GPHN: variants seen among roughly 807,000 people sequenced by gnomAD.
GPHN encodes the protein gephyrin.
GPHN carries 17 observed loss-of-function variants against 95.5 expected under a neutral mutation model. That is an observed-to-expected ratio of 0.18 (90% CI 0.12 to 0.27). The LOEUF is 0.27. Ranked by LOEUF, GPHN falls within the 10% of genes least tolerant of loss-of-function variation. The pLI is 1.00. For missense variants in GPHN, 660 were observed against 978.1 expected, an observed-to-expected ratio of 0.67 and a Z score of 4.34; for synonymous variants, 320 against 322.5, an observed-to-expected ratio of 0.99 and a Z score of 0.08.
chr14:67,243,296 C>T, the GPHN span, among the ~76,000 whole-genome samples: 2 of 146,592 alleles, frequency 1.4e-5, no homozygotes, highest in Non-Finnish European at 3.0e-5. Flanking sequence ...AAGTGATTCT[C>T]CTGCTCTCAG....
chr14:66,845,123 C>G (rs1800497500), intron 4 of GPHN, among the ~76,000 whole-genome samples: 1 of 152,126 alleles, frequency 6.6e-6, no homozygotes. Context: ...ATCAGTTCAC[C>G]TGTTGGTGGA....
At chr14:66,617,148 A>C (rs528708124) in intron 1 of GPHN, among the ~76,000 whole-genome samples, 4 of 152,334 alleles carry the variant, frequency 2.6e-5, no homozygotes, top group Non-Finnish European at 5.9e-5. Flanking sequence ...TGGTCTGCAG[A>C]GACTGCTGCC....
At chr14:66,924,341 C>G (rs752587801) in intron 8 of GPHN, 49 bp downstream of exon 8, 1 of 967,148 alleles carries the variant, frequency 1.0e-6, no homozygotes, top group Non-Finnish European at 1.7e-6. Context: ...ATGTATTCTA[C>G]TTCCTCTCCT....
At chr14:67,070,760 G>A (rs184751669) in intron 11 of GPHN, among the ~76,000 whole-genome samples, 1 of 143,550 alleles carries the variant, frequency 7.0e-6, no homozygotes, top group East Asian at 2.1e-4. Flanking sequence ...GTGCTTTCAG[G>A]TGCTTTTTCC....
At chr14:67,123,247 C>T (rs1399967555) in intron 17 of GPHN, among the ~76,000 whole-genome samples, 1 of 151,948 alleles carries the variant, frequency 6.6e-6, no homozygotes, top group Admixed American at 6.6e-5. Flanking sequence ...ATGGATCCTT[C>T]TTCCCTTATG....
intron 10 of GPHN, among the ~76,000 whole-genome samples, chr14:67,029,263 T>TTACTACTAG (rs1047093756): frequency 2.6e-5 from 4 of 152,240 alleles, no homozygotes; most frequent in South Asian, 4.1e-4. Flanking sequence ...ATTGTTACAA[T>TTACTACTAG]TACTACTAGT....
At chr14:67,014,328 T>A (rs1437408790) in intron 9 of GPHN, among the ~76,000 whole-genome samples, 1 of 152,164 alleles carries the variant, frequency 6.6e-6, no homozygotes, top group East Asian at 1.9e-4. Context: ...CACTTATACG[T>A]GAAGTTATGA....
intron 4 of GPHN, among the ~76,000 whole-genome samples, chr14:66,874,012 G>A (rs2063551628): frequency 6.6e-6 from 1 of 152,182 alleles, no homozygotes; most frequent in South Asian, 2.1e-4. Context: ...AGCTCTGGCT[G>A]GCATCAGGTG....
chr14:67,170,107 T>TA (rs1329535274), intron 21 of GPHN, among the ~76,000 whole-genome samples: 1 of 152,050 alleles, frequency 6.6e-6, no homozygotes, highest in Non-Finnish European at 1.5e-5. Flanking sequence ...TAAAATATTT[T>TA]AAAAAATTAC....
the GPHN span, among the ~76,000 whole-genome samples, chr14:67,598,313 GAGAC>G: frequency 6.6e-6 from 1 of 152,140 alleles, no homozygotes; most frequent in Non-Finnish European, 1.5e-5. Flanking sequence ...CGGCATGAGA[GAGAC>G]AAGTACAGAA....
rs558661366 is a variant in GPHN at position 66,846,194 on chromosome 14, A to G, written c.294+21628A>G. 5.9e-5 allele frequency among the ~76,000 whole-genome samples: 9 copies of G among 152,242 alleles called. 1 individual carries two copies. The South Asian group carries it at 6.2e-4, about 11-fold the overall frequency. Reference sequence around the variant, plus strand: ...TATACACTCTATCCATCCCTTCTCAATTGAGGTTCCCCATCTAAACTATCA... The same window carrying G: ...TATACACTCTATCCATCCCTTCTCAGTTGAGGTTCCCCATCTAAACTATCA... On this transcript the variant is annotated intron_variant, in intron 4 of 22. Coordinates refer to ENST00000478722, the MANE Select transcript of GPHN (RefSeq NM_020806.5).
chr14:67,319,602 T>C, the GPHN span, among the ~76,000 whole-genome samples: 1 of 138,650 alleles, frequency 7.2e-6, no homozygotes, highest in African/African-American at 3.0e-5. Flanking sequence ...TAGAGATAGC[T>C]GATGAGCTAA....
At chr14:67,550,300 C>T in the GPHN span, among the ~76,000 whole-genome samples, 1 of 152,156 alleles carries the variant, frequency 6.6e-6, no homozygotes, top group Non-Finnish European at 1.5e-5. Context: ...GCAATCCTCC[C>T]ACCTTAGCCT....
At chr14:66,991,870 T>TAA (rs1555458890) in intron 9 of GPHN, among the ~76,000 whole-genome samples, 9 of 111,142 alleles carry the variant, frequency 8.1e-5, no homozygotes, top group African/African-American at 1.2e-4. Context: ...AGACCCTGTC[T>TAA]AAAAAAAAAA....
At chr14:67,733,735 C>G in the GPHN span, 5 of 1,588,218 alleles carry the variant, frequency 3.1e-6, no homozygotes, top group South Asian at 4.4e-5. Flanking sequence ...CTGTCTTTCT[C>G]TGCCCTCCAG....
the GPHN span, chr14:67,557,331 C>G: frequency 3.1e-6 from 5 of 1,613,430 alleles, no homozygotes; most frequent in Non-Finnish European, 4.2e-6. Flanking sequence ...CTGAGGGGAG[C>G]CTGCACCGGA....
intron 3 of GPHN, among the ~76,000 whole-genome samples, chr14:66,803,608 A>C (rs2060438453): frequency 6.6e-6 from 1 of 152,096 alleles, no homozygotes; most frequent in African/African-American, 2.4e-5. Context: ...TTCCTATTCT[A>C]TCTTCTCTTT....
At chr14:67,385,471 T>G in the GPHN span, 1 of 150,414 alleles carries the variant, frequency 6.6e-6, no homozygotes, top group African/African-American at 2.4e-5. Context: ...AAATCTTGAA[T>G]CTCCCATCAA....
At chr14:66,782,142 A>T (rs776810650) in intron 3 of GPHN, among the ~76,000 whole-genome samples, 49 of 152,138 alleles carry the variant, frequency 3.2e-4, no homozygotes, top group Non-Finnish European at 6.2e-4. Flanking sequence ...CTGAGGGATA[A>T]TTCTTAATGA....
Sources: allele counts gnomAD v4.1 joint callset (sites outside exome capture counted in the v4.1 genomes callset), GRCh38; gene constraint gnomAD v4.1.1; transcripts MANE v1.5; gene names NCBI Gene and HGNC (gene_info 2026-07-23, HGNC 2026-07-21).